Variants in SORCS1 observed in about 807,000 individuals in gnomAD.
SORCS1 encodes sortilin related VPS10 domain containing receptor 1, also known as VPS10 domain-containing receptor SorCS1.
In SORCS1, 60 loss-of-function variants were observed where a neutral mutation model predicts 146.1. That is an observed-to-expected ratio of 0.41 (90% CI 0.33 to 0.51). The LOEUF is 0.51. SORCS1 is among the 20% of genes least tolerant of loss of function. The pLI is 0.21. For synonymous variants in SORCS1, 637 were observed against 584.0 expected, an observed-to-expected ratio of 1.09 and a Z score of -1.31; for missense variants, 1,352 against 1,487.6, an observed-to-expected ratio of 0.91 and a Z score of 1.50.
chr10:107,031,070 C>G (rs1005180449), intron 1 of SORCS1, among the ~76,000 whole-genome samples: 2 of 152,172 alleles, frequency 1.3e-5, no homozygotes, highest in Non-Finnish European at 2.9e-5. Context: ...TCTGAAGGGA[C>G]AGCTCAGCCT....
chr10:106,890,373 A>G (rs1951181516), intron 2 of SORCS1, among the ~76,000 whole-genome samples: 1 of 152,148 alleles, frequency 6.6e-6, no homozygotes, highest in Non-Finnish European at 1.5e-5. Context: ...AAGGAATGTG[A>G]TAAGACTGCC....
At position 106,574,867 on chromosome 10, in the gene SORCS1, T is replaced by C. The variant is rs955320034; in HGVS notation, c.*2553A>G. 1 of 152,570 alleles carries C rather than the reference T, an allele frequency of 6.6e-6. No individual in the cohort carries two copies. Among genetic ancestry groups the C allele is most frequent in the Non-Finnish European group, 1.5e-5 (1 of 68,010 alleles). The allele number at this position is 152,570 out of a possible 1,614,324, so 9.5% of individuals were successfully genotyped here. A position where few individuals can be genotyped will look rare whatever the true frequency, so the allele number is the denominator to read the frequency against. On this transcript the variant is annotated 3_prime_UTR_variant, in exon 26 of 26. Transcript: ENST00000263054. ...ATGCTGAATCTCTAGCTGGCCATCT[T>C]TGGTCACTTCCCAAAATGCCAGGTA...
At chr10:106,829,832 G>C (rs1416764457) in intron 2 of SORCS1, among the ~76,000 whole-genome samples, 159 bp from the exon 3 acceptor site, 1 of 152,204 alleles carries the variant, frequency 6.6e-6, no homozygotes, top group Non-Finnish European at 1.5e-5. Flanking sequence ...GTAGCATCAT[G>C]TGAGTGGTTA....
intron 1 of SORCS1, among the ~76,000 whole-genome samples, chr10:107,095,799 A>G (rs953104333): frequency 1.3e-5 from 2 of 152,082 alleles, no homozygotes; most frequent in Non-Finnish European, 2.9e-5. Flanking sequence ...ATTAAAAAAA[A>G]GGTTACCTCC....
At chr10:106,760,776 T>C (rs1323744200) in intron 5 of SORCS1, among the ~76,000 whole-genome samples, 1 of 151,332 alleles carries the variant, frequency 6.6e-6, no homozygotes, top group African/African-American at 2.4e-5. Context: ...AGAAAGATAA[T>C]TGAGAAACTA....
At chr10:106,986,511 CGTGTGTGTGTGTGT>C (rs58888609) in intron 1 of SORCS1, among the ~76,000 whole-genome samples, 104 of 148,426 alleles carry the variant, frequency 7.0e-4, no homozygotes, top group African/African-American at 2.3e-3. Context: ...TATATACAAC[CGTGTGTGTGTGTGT>C]GTGTGTGTGT....
At chr10:106,731,165 C>T (rs866351604) in intron 5 of SORCS1, among the ~76,000 whole-genome samples, 4 of 151,644 alleles carry the variant, frequency 2.6e-5, no homozygotes, top group African/African-American at 4.8e-5. Context: ...AAAAATTAGC[C>T]GGGCGTGGTG....
intron 4 of SORCS1, among the ~76,000 whole-genome samples, chr10:106,764,292 G>A (rs1486876586): frequency 6.6e-5 from 10 of 152,014 alleles, no homozygotes; most frequent in African/African-American, 1.4e-4. Context: ...GTGTTATACC[G>A]ACCAAAAAGA....
Position 107,155,389 on chromosome 10 carries a change from G to A in SORCS1, c.558+8580C>T, listed in dbSNP as rs370102381. Among the ~76,000 whole-genome samples, 7 of 152,260 alleles carry A rather than the reference G, an allele frequency of 4.6e-5. No individual in the cohort carries two copies. The East Asian group carries it at 1.2e-3, about 25-fold the overall frequency. ...CCTAGGGAGTTTGTAAAATATAGAT[G>A]CCTGGTCCCTTCTCCCCATCAGGTC... On this transcript the variant is annotated intron_variant, in intron 1 of 25. Coordinates refer to ENST00000263054, the MANE Select transcript of SORCS1 (RefSeq NM_052918.5).
chr10:106,877,065 A>T (rs767349737), intron 2 of SORCS1, among the ~76,000 whole-genome samples: 1 of 152,218 alleles, frequency 6.6e-6, no homozygotes, highest in Non-Finnish European at 1.5e-5. Context: ...AATGAGAATC[A>T]CTGGTTATTT....
Position 106,658,288 on chromosome 10 carries a change from C to T in SORCS1, c.2304-5735G>A, listed in dbSNP as rs142739659. Reference sequence around the variant, plus strand: ...GTTCATTCTGCCCGGGATGCTCTTTCCTACTGGCAAACTTCTACTCATCCT... The same window carrying T: ...GTTCATTCTGCCCGGGATGCTCTTTTCTACTGGCAAACTTCTACTCATCCT... On this transcript the variant is annotated intron_variant, in intron 17 of 25. Transcript: ENST00000263054. Among the ~76,000 whole-genome samples the T allele has an allele frequency of 2.9e-3, 436 of 151,914 alleles. 2 individuals are homozygous for T. Among genetic ancestry groups the T allele is most frequent in the Middle Eastern group, 0.024 (7 of 294 alleles).
chr10:106,833,782 T>C (rs1948666931), intron 2 of SORCS1, among the ~76,000 whole-genome samples: 1 of 125,916 alleles, frequency 7.9e-6, no homozygotes, highest in African/African-American at 3.1e-5. Flanking sequence ...TTCTTTCTTT[T>C]GTTATTATTA....
At chr10:107,121,516 A>T (rs570727188) in intron 1 of SORCS1, among the ~76,000 whole-genome samples, 1 of 152,206 alleles carries the variant, frequency 6.6e-6, no homozygotes, top group Non-Finnish European at 1.5e-5. Context: ...AGAAGGCTAG[A>T]TGATGCCTGT....
Position 106,577,376 on chromosome 10 carries a change from T to G in SORCS1, c.*44A>C. 6.2e-7 allele frequency: 1 copy of G among 1,613,294 alleles called. No homozygotes were observed. ...ATGATGTACTTGACAAGAGCGAAAT[T>G]CTTTCCTGATCAGCAGGTCGCCTGT... On this transcript the variant is annotated 3_prime_UTR_variant, in exon 26 of 26. Coordinates refer to ENST00000263054, the MANE Select transcript of SORCS1 (RefSeq NM_052918.5).
At chr10:106,787,187 T>A (rs1028188275) in intron 3 of SORCS1, among the ~76,000 whole-genome samples, 3 of 152,216 alleles carry the variant, frequency 2.0e-5, no homozygotes, top group Non-Finnish European at 4.4e-5. Flanking sequence ...ATGGGTTTCT[T>A]AAGAGCAAAG....
At chr10:106,954,144 G>A (rs1255589527) in intron 2 of SORCS1, among the ~76,000 whole-genome samples, 1 of 152,234 alleles carries the variant, frequency 6.6e-6, no homozygotes, top group African/African-American at 2.4e-5. Flanking sequence ...CTCAGGCCCT[G>A]CAGGCATGTT....
At chr10:106,779,904 G>A (rs1860761511) in intron 3 of SORCS1, among the ~76,000 whole-genome samples, 1 of 152,118 alleles carries the variant, frequency 6.6e-6, no homozygotes, top group Non-Finnish European at 1.5e-5. Context: ...AATTATGATT[G>A]TTGTAATGAC....
At chr10:106,652,663 A>G (rs1564820692) in intron 17 of SORCS1, 110 bp from the exon 18 acceptor site, 1 of 1,207,894 alleles carries the variant, frequency 8.3e-7, no homozygotes, top group East Asian at 2.4e-5. Flanking sequence ...GTAAGCACCT[A>G]ACCATCTTTC....
intron 17 of SORCS1, among the ~76,000 whole-genome samples, chr10:106,655,882 T>C (rs777935923): frequency 6.6e-5 from 10 of 152,150 alleles, no homozygotes; most frequent in Admixed American, 5.2e-4. Flanking sequence ...GTTACATAAA[T>C]GAATAATGCA....
Sources: gnomAD v4.1 joint callset for allele counts (sites outside exome capture counted in the v4.1 genomes callset) on GRCh38, gnomAD v4.1.1 for gene constraint, MANE v1.5 for transcripts, NCBI Gene and HGNC (gene_info 2026-07-23, HGNC 2026-07-21) for gene names.